RAP1GDS1: variants seen among roughly 807,000 people sequenced by gnomAD.
RAP1GDS1 encodes RAP1, GTP-GDP dissociation stimulator 1.
Under a neutral mutation model 71.1 loss-of-function variants are expected in RAP1GDS1, and 35 were observed. The ratio of observed to expected loss-of-function variants is 0.49; its 90% confidence interval spans 0.38 to 0.65. RAP1GDS1 has a LOEUF of 0.65. RAP1GDS1 is among the 30% of genes least tolerant of loss of function. The pLI, the probability that RAP1GDS1 is intolerant of heterozygous loss-of-function variation, is 0.00. For missense variants in RAP1GDS1, 663 were observed against 706.1 expected (o/e 0.94, Z 0.69); for synonymous variants, 229 against 243.1 (o/e 0.94, Z 0.54).
At chr4:98,347,225 A>T (rs1280403165) in intron 3 of RAP1GDS1, among the ~76,000 whole-genome samples, 1 of 152,214 alleles carries the variant, frequency 6.6e-6, no homozygotes, top group Non-Finnish European at 1.5e-5. Flanking sequence ...CTTGGTGTAT[A>T]TAAAAAGAAA....
At chr4:98,330,583 G>A (rs1291298111) in intron 2 of RAP1GDS1, among the ~76,000 whole-genome samples, 3 of 149,536 alleles carry the variant, frequency 2.0e-5, no homozygotes, top group South Asian at 4.3e-4. Flanking sequence ...CATCCCAGAC[G>A]GGGCGGCCGG....
chr4:98,319,324 G>T lies in RAP1GDS1; in HGVS notation c.113-23815G>T, dbSNP rs185944206. ...ATGTATGTGTAATGGTGATAATATC[G>T]TACTCCCTTATTAGCATATATTTCT... On this transcript the variant is annotated intron_variant, in intron 2 of 14. Transcript: ENST00000408927. Among the ~76,000 whole-genome samples the T allele has an allele frequency of 1.4e-4, 22 of 152,008 alleles. No homozygotes were observed. The East Asian group carries it at 4.1e-3, about 28-fold the overall frequency.
chr4:98,434,619 CTTTTT>C (rs557173513), intron 13 of RAP1GDS1, among the ~76,000 whole-genome samples: 7 of 134,448 alleles, frequency 5.2e-5, no homozygotes, highest in Non-Finnish European at 9.6e-5. Context: ...TTTAACATAG[CTTTTT>C]TTTTTTTTTT....
chr4:98,443,015 A>ATTTTTTTTTCTTTTTTTTTT lies in RAP1GDS1; in HGVS notation c.*907_*908insCTTTTTTTTTTTTTTTTTTT, dbSNP rs543199019. On this transcript the variant is annotated 3_prime_UTR_variant, in exon 15 of 15. Coordinates refer to ENST00000408927, the MANE Select transcript of RAP1GDS1 (RefSeq NM_001100427.2). The stretch of plus-strand genomic sequence containing the variant: ...TGAGTATAGTTCATTGAAGAATGGA[A>ATTTTTTTTTCTTTTTTTTTT]TTTTTTTTTTTTTTTTTTTTTTTGC... The ATTTTTTTTTCTTTTTTTTTT allele has an allele frequency of 1.7e-3, 235 of 138,220 alleles. 3 individuals are homozygous for ATTTTTTTTTCTTTTTTTTTT. Among genetic ancestry groups the ATTTTTTTTTCTTTTTTTTTT allele is most frequent in the Admixed American group, 3.8e-3 (39 of 10,392 alleles). The allele number at this position is 138,220 out of a possible 1,614,324, so 8.6% of individuals were successfully genotyped here. A position where few individuals can be genotyped will look rare whatever the true frequency, so the allele number is the denominator to read the frequency against.
chr4:98,291,277 C>CT (rs1726871948), intron 1 of RAP1GDS1, among the ~76,000 whole-genome samples: 1 of 152,108 alleles, frequency 6.6e-6, no homozygotes, highest in Admixed American at 6.6e-5. Flanking sequence ...ACAAGACGAA[C>CT]TAGACCATAT....
At chr4:98,282,001 T>A (rs573016281) in intron 1 of RAP1GDS1, among the ~76,000 whole-genome samples, 13 of 152,306 alleles carry the variant, frequency 8.5e-5, no homozygotes, top group African/African-American at 2.9e-4. Flanking sequence ...TGCTGCTGGA[T>A]TCGGTTTGCC....
chr4:98,426,130 G>A (rs1749574459), intron 12 of RAP1GDS1, among the ~76,000 whole-genome samples: 1 of 151,954 alleles, frequency 6.6e-6, no homozygotes, highest in Non-Finnish European at 1.5e-5. Context: ...ATGATCACTG[G>A]GTCAATAACA....
intron 2 of RAP1GDS1, among the ~76,000 whole-genome samples, chr4:98,308,081 T>G (rs1331577470): frequency 1.3e-5 from 2 of 151,550 alleles, no homozygotes; most frequent in Non-Finnish European, 2.9e-5. Flanking sequence ...TTGCTTGAAG[T>G]GAGGAGTTTG....
chr4:98,418,688 G>A lies in RAP1GDS1; in HGVS notation c.1071G>A (p.Gly357=), dbSNP rs776523840. 3.7e-6 allele frequency: 6 copies of A among 1,609,856 alleles called. No individual in the cohort carries two copies. In the Admixed American group the frequency reaches 1.0e-4, roughly 27 times the overall value. Residue 357 remains glycine (G), a synonymous_variant, in exon 10 of 15, where the codon GGG becomes GGA. Coordinates refer to ENST00000408927, the MANE Select transcript of RAP1GDS1 (RefSeq NM_001100427.2). ...DANCIHMVDN[G]IVEKLMDLLD... is the part of the protein sequence containing the mutation. Reference sequence around the variant, plus strand: ...ATTGTATTCATATGGTAGACAATGGGATTGTAGAAAAACTTATGGATTTAC... The same window carrying A: ...ATTGTATTCATATGGTAGACAATGGAATTGTAGAAAAACTTATGGATTTAC...
chr4:98,340,380 G>A (rs996419020), intron 2 of RAP1GDS1, among the ~76,000 whole-genome samples: 6 of 152,142 alleles, frequency 3.9e-5, no homozygotes, highest in African/African-American at 1.4e-4. Context: ...GGATGAAGCT[G>A]TAGGTCATTA....
chr4:98,433,933 T>A lies in RAP1GDS1; in HGVS notation c.1441-3T>A. On this transcript the variant is annotated splice_polypyrimidine_tract_variant and splice_region_variant and intron_variant, in intron 12 of 14. Transcript: ENST00000408927. ...TATAATTCTCTGATATTATTTATTGTAGGATGTAATTAAAACCATTGTGCA... is the reference window on the plus strand; with the variant it reads ...TATAATTCTCTGATATTATTTATTGAAGGATGTAATTAAAACCATTGTGCA... The A allele has an allele frequency of 3.1e-6, 5 of 1,599,400 alleles. No individual in the cohort carries two copies. Among genetic ancestry groups the A allele is most frequent in the Non-Finnish European group, 4.3e-6 (5 of 1,167,514 alleles).
rs147515190 is a variant in RAP1GDS1 at position 98,431,823 on chromosome 4, C to T, written c.1441-2113C>T. On this transcript the variant is annotated intron_variant, in intron 12 of 14. Transcript: ENST00000408927. ...ATCAATATTATTCTGTCACATGTGA[C>T]GAATACGATGTTTTATCTATTTTTT... Among the ~76,000 whole-genome samples the T allele has an allele frequency of 7.9e-5, 12 of 152,212 alleles. No individual in the cohort carries two copies. The East Asian group carries it at 1.7e-3, about 22-fold the overall frequency.
chr4:98,319,778 C>CAAAA (rs35696332), intron 2 of RAP1GDS1, among the ~76,000 whole-genome samples: 8 of 79,174 alleles, frequency 1.0e-4, no homozygotes, highest in Non-Finnish European at 1.6e-4. Flanking sequence ...GAGAATGTCT[C>CAAAA]AAAAAAAAAA....
At chr4:98,345,158 A>T (rs1736037338) in intron 3 of RAP1GDS1, among the ~76,000 whole-genome samples, 1 of 152,204 alleles carries the variant, frequency 6.6e-6, no homozygotes, top group Non-Finnish European at 1.5e-5. Context: ...CAAAAGAAAT[A>T]CGTAACTTCA....
At chr4:98,441,480 A>G (rs1487452933) in intron 14 of RAP1GDS1, 1 of 985,292 alleles carries the variant, frequency 1.0e-6, no homozygotes, top group Non-Finnish European at 1.2e-6. Context: ...ATTGGACTTC[A>G]TATTTGAACT....
At chr4:98,394,207 G>A (rs1321045132) in intron 6 of RAP1GDS1, among the ~76,000 whole-genome samples, 2 of 152,142 alleles carry the variant, frequency 1.3e-5, no homozygotes, top group African/African-American at 4.8e-5. Context: ...TTATGGTTTT[G>A]TGTCTAAATC....
chr4:98,326,164 C>G (rs906949028), intron 2 of RAP1GDS1, among the ~76,000 whole-genome samples: 3 of 151,976 alleles, frequency 2.0e-5, no homozygotes, highest in Non-Finnish European at 4.4e-5. Context: ...CAGAATAGAA[C>G]TTAATTCTTC....
At chr4:98,371,632 A>G (rs1282788417) in intron 4 of RAP1GDS1, among the ~76,000 whole-genome samples, 1 of 151,634 alleles carries the variant, frequency 6.6e-6, no homozygotes, top group Admixed American at 6.6e-5. Context: ...ACACGCCACC[A>G]TGCCTGGCTA....
At chr4:98,345,155 A>G (rs943204471) in intron 3 of RAP1GDS1, among the ~76,000 whole-genome samples, 14 of 152,198 alleles carry the variant, frequency 9.2e-5, no homozygotes, top group African/African-American at 3.1e-4. Flanking sequence ...TTTCAAAAGA[A>G]ATACGTAACT....
Sources: gnomAD v4.1 joint callset for allele counts (sites outside exome capture counted in the v4.1 genomes callset) on GRCh38, gnomAD v4.1.1 for gene constraint, MANE v1.5 for transcripts, NCBI Gene and HGNC (gene_info 2026-07-23, HGNC 2026-07-21) for gene names.